Variants in ANKRD27 observed in about 807,000 individuals in gnomAD.
ANKRD27 encodes ankyrin repeat domain-containing protein 27.
ANKRD27 carries 112 observed loss-of-function variants against 129.7 expected under a neutral mutation model. That is an observed-to-expected ratio of 0.86 (90% confidence interval 0.74 to 1.01). The LOEUF is 1.01. Ranked by LOEUF, ANKRD27 falls within the 50% of genes least tolerant of loss-of-function variation. The probability of loss-of-function intolerance (pLI) is 0.00; values close to 1 mark genes in which losing one functional copy is unlikely to be tolerated. For missense variants in ANKRD27, 1,258 were observed against 1,300.5 expected, an observed-to-expected ratio of 0.97 and a Z score of 0.50; for synonymous variants, 516 against 511.2, an observed-to-expected ratio of 1.01 and a Z score of -0.13.
At chr19:32,615,584 A>AAAAAAC (rs1223920696) in intron 22 of ANKRD27, 74 bp downstream of exon 22, 27 of 1,612,636 alleles carry the variant, frequency 1.7e-5, no homozygotes, top group Middle Eastern at 3.3e-4. Context: ...ACCCTGTCTC[A>AAAAAAC]AAAAACAAAA....
intron 28 of ANKRD27, 97 bp downstream of exon 28, chr19:32,599,607 T>C (rs1488222397): frequency 1.5e-5 from 16 of 1,095,660 alleles, no homozygotes; most frequent in Non-Finnish European, 2.2e-5. Context: ...CACGGAATAA[T>C]GAAGATGACG....
Position 32,607,726 on chromosome 19 carries a change from G to C in ANKRD27, c.2282C>G (p.Pro761Arg), listed in dbSNP as rs2302970. The C allele has an allele frequency of 0.51, 826,334 of 1,611,812 alleles. 226,553 individuals carry two copies. Among genetic ancestry groups the C allele is most frequent in the Non-Finnish European group, 0.57 (675,494 of 1,179,008 alleles). The change falls in exon 23 of 29, where the codon CCC becomes CGC. Residue 761 changes from proline to arginine, a missense_variant. By Grantham distance (103) the Pro-to-Arg change is moderately radical (BLOSUM62 -2). Transcript: ENST00000306065. The part of the protein sequence containing the change: ...AALHGRADLI[P>R]LLLKHGANAG... ...GTTGGCCCCGTGCTTCAGCAGGAGG[G>C]GGATGAGGTCCGCCCGGCCGTGCAG...
At chr19:32,618,523 T>A (rs1599742745) in intron 20 of ANKRD27, among the ~76,000 whole-genome samples, 1 of 147,362 alleles carries the variant, frequency 6.8e-6, no homozygotes, top group African/African-American at 2.5e-5. Flanking sequence ...ACCATGAGGG[T>A]GGACACCCCT....
chr19:32,642,205 G>A lies in ANKRD27; in HGVS notation c.783-60C>T. 26 of 1,332,966 alleles carry A rather than the reference G, an allele frequency of 2.0e-5. No individual in the cohort carries two copies. In the South Asian group the frequency reaches 2.0e-4, roughly 10 times the overall value. The allele number at this position is 1,332,966 out of a possible 1,614,324, so 82.6% of individuals were successfully genotyped here. ...CACAGTAAGAGAACCCTCTGGCCTG[G>A]ATCTAAGAACACATCTCAGGATCTA... On this transcript the variant is annotated intron_variant, in intron 9 of 28. Transcript: ENST00000306065.
intron 2 of ANKRD27, among the ~76,000 whole-genome samples, chr19:32,652,258 T>TAACCAAAA (rs1280711744): frequency 6.6e-6 from 1 of 152,228 alleles, no homozygotes; most frequent in Non-Finnish European, 1.5e-5. Context: ...AAAAATGGTT[T>TAACCAAAA]ATTCTAGCCC....
intron 1 of ANKRD27, among the ~76,000 whole-genome samples, chr19:32,662,751 CA>C (rs1223635645): frequency 6.7e-6 from 1 of 148,914 alleles, no homozygotes; most frequent in Non-Finnish European, 1.5e-5. Context: ...CTTTAAAAAA[CA>C]AAAAAAAAGG....
At chr19:32,619,183 C>T (rs970228614) in intron 20 of ANKRD27, 77 bp downstream of exon 20, 10 of 1,535,378 alleles carry the variant, frequency 6.5e-6, no homozygotes, top group South Asian at 1.2e-5. Context: ...CTTGTCAGGC[C>T]ACGGCTCTTC....
chr19:32,644,372 G>A lies in ANKRD27; in HGVS notation c.478C>T (p.His160Tyr). ...ERFDRNIASF[H>Y]RTFRECERKS... ...CTCTCGCATTCTCGGAATGTTCGATGGAAAGAGGCGATGTTCCTGTCAAAT... is the reference window on the plus strand; with the variant it reads ...CTCTCGCATTCTCGGAATGTTCGATAGAAAGAGGCGATGTTCCTGTCAAAT... Residue 160 changes from histidine to tyrosine, a missense_variant, in exon 5 of 29, where the codon CAT becomes TAT. Coordinates refer to ENST00000306065, the MANE Select transcript of ANKRD27 (RefSeq NM_032139.3). The A allele has an allele frequency of 2.5e-6, 4 of 1,613,940 alleles. No homozygotes were observed. Among genetic ancestry groups the A allele is most frequent in the Non-Finnish European group, 3.4e-6 (4 of 1,179,980 alleles).
chr19:32,602,945 T>C (rs1971675187), intron 25 of ANKRD27, among the ~76,000 whole-genome samples: 1 of 151,938 alleles, frequency 6.6e-6, no homozygotes, highest in Non-Finnish European at 1.5e-5. Context: ...AAATTCAACA[T>C]AATCATTTAA....
At chr19:32,669,653 T>G (rs1208135508) in intron 1 of ANKRD27, among the ~76,000 whole-genome samples, 1 of 152,048 alleles carries the variant, frequency 6.6e-6, no homozygotes, top group Non-Finnish European at 1.5e-5. Flanking sequence ...AAGGACAGGC[T>G]TCCATGGACG....
rs1421941665 is a variant in ANKRD27 at position 32,666,639 on chromosome 19, C to CTTTTTTTTTTT, written c.-30-7595_-30-7594insAAAAAAAAAAA. Among the ~76,000 whole-genome samples, 3 of 112,020 alleles carry CTTTTTTTTTTT rather than the reference C, an allele frequency of 2.7e-5. 1 individual carries two copies. The highest frequency in any genetic ancestry group is 3.5e-5 in the Non-Finnish European group (2 of 56,758). 73.5% of individuals were successfully genotyped at this position (112,020 alleles called of 152,430 possible). On this transcript the variant is annotated intron_variant, in intron 1 of 28. Transcript: ENST00000306065. Reference sequence around the variant, plus strand: ...GGGCACAGAAAAGGAAATCAGATTTCTATTTTTTTTTTTTTTTTTTTTTGA... The same window carrying CTTTTTTTTTTT: ...GGGCACAGAAAAGGAAATCAGATTTCTTTTTTTTTTTTATTTTTTTTTTTTTTTTTTTTTGA...
At position 32,642,545 on chromosome 19, in the gene ANKRD27, C is replaced by T. The variant is rs186140169; in HGVS notation, c.783-400G>A. Among the ~76,000 whole-genome samples, 23 of 152,204 alleles carry T rather than the reference C, an allele frequency of 1.5e-4. No homozygotes were observed. In the East Asian group the frequency reaches 2.3e-3, roughly 15 times the overall value. On this transcript the variant is annotated intron_variant, in intron 9 of 28. Transcript: ENST00000306065. ...TTGAGGTCAGGAGTTCAAGACCAGC[C>T]TGGCCAACATGGTGAAACCCCATCT... is the stretch of plus-strand genomic sequence containing the variant.
Position 32,607,827 on chromosome 19 carries a change from C to A in ANKRD27, c.2181G>T (p.Leu727=). ...CPKCAPAQKR[L]AKVPASGLGV... Reference sequence around the variant, plus strand: ...CAAGCCCACTGGCAGGAACCTTCGCCAGCCTCTGGGAAGCGCAGAAGATGG... The same window carrying A: ...CAAGCCCACTGGCAGGAACCTTCGCAAGCCTCTGGGAAGCGCAGAAGATGG... The change falls in exon 23 of 29, where the codon CTG becomes CTT. Residue 727 remains leucine (L), a synonymous_variant. Coordinates refer to ENST00000306065, the MANE Select transcript of ANKRD27 (RefSeq NM_032139.3). 1.1e-5 allele frequency: 18 copies of A among 1,604,264 alleles called. No homozygotes were observed. The highest frequency in any genetic ancestry group is 1.5e-5 in the Non-Finnish European group (18 of 1,176,022).
intron 1 of ANKRD27, among the ~76,000 whole-genome samples, chr19:32,674,595 G>T (rs565701553): frequency 6.6e-6 from 1 of 152,056 alleles, no homozygotes; most frequent in Non-Finnish European, 1.5e-5. Context: ...CGAGAGGCCG[G>T]CAGCCAGGGA....
At chr19:32,603,465 G>A (rs8104328) in intron 25 of ANKRD27, among the ~76,000 whole-genome samples, 29,561 of 152,092 alleles carry the variant, frequency 0.19, 3,613 homozygotes, top group East Asian at 0.34. Context: ...ACCCTTCCCC[G>A]CCGCTCTCCA....
At chr19:32,627,874 C>T (rs1489592195) in intron 15 of ANKRD27, among the ~76,000 whole-genome samples, 1 of 152,150 alleles carries the variant, frequency 6.6e-6, no homozygotes, top group Non-Finnish European at 1.5e-5. Context: ...CGCAGGGGGG[C>T]TCAGCCAGCG....
chr19:32,625,602 T>C (rs1018127229), intron 17 of ANKRD27, among the ~76,000 whole-genome samples: 1 of 152,006 alleles, frequency 6.6e-6, no homozygotes, highest in Non-Finnish European at 1.5e-5. Flanking sequence ...TGCTAATTTT[T>C]GTATTTTTAG....
intron 1 of ANKRD27, among the ~76,000 whole-genome samples, chr19:32,666,649 T>C: frequency 6.7e-6 from 1 of 148,306 alleles, no homozygotes; most frequent in Non-Finnish European, 1.5e-5. Context: ...CTATTTTTTT[T>C]TTTTTTTTTT....
intron 25 of ANKRD27, 100 bp downstream of exon 25, chr19:32,604,163 G>T: frequency 7.3e-7 from 1 of 1,377,852 alleles, no homozygotes. Flanking sequence ...CGATGCCAAG[G>T]GCCAGGTGTT....
Sources: gnomAD v4.1 joint callset for allele counts (sites outside exome capture counted in the v4.1 genomes callset) on GRCh38, gnomAD v4.1.1 for gene constraint, MANE v1.5 for transcripts, NCBI Gene and HGNC (gene_info 2026-07-23, HGNC 2026-07-21) for gene names.